The following RCOR1 variants were observed in gnomAD, a reference collection of about 807,000 sequenced individuals.
RCOR1 encodes REST corepressor.
RCOR1 carries 12 observed loss-of-function variants against 64.0 expected under a neutral mutation model. That is an observed-to-expected ratio of 0.19 (90% CI 0.12 to 0.30). RCOR1 has a LOEUF of 0.30. Among genes scored for constraint, RCOR1 ranks in the 10% least tolerant of loss-of-function variants. The probability of loss-of-function intolerance (pLI) is 1.00; values close to 1 mark genes in which losing one functional copy is unlikely to be tolerated. For missense variants in RCOR1, 502 were observed against 621.2 expected, an observed-to-expected ratio of 0.81 and a Z score of 2.04; for synonymous variants, 279 against 227.2, an observed-to-expected ratio of 1.23 and a Z score of -2.05.
chr14:102,622,740 C>G (rs762955242), intron 2 of RCOR1, among the ~76,000 whole-genome samples: 1 of 152,162 alleles, frequency 6.6e-6, no homozygotes, highest in Non-Finnish European at 1.5e-5. Flanking sequence ...CCCTCCATCC[C>G]TTTTGTGTTA....
At chr14:102,678,667 C>T (rs1452325360) in intron 2 of RCOR1, among the ~76,000 whole-genome samples, 2 of 152,126 alleles carry the variant, frequency 1.3e-5, no homozygotes, top group Non-Finnish European at 2.9e-5. Context: ...CTAGATCAGT[C>T]ATTTGGTAAA....
intron 3 of RCOR1, among the ~76,000 whole-genome samples, chr14:102,692,520 G>C (rs1418750520): frequency 6.6e-6 from 1 of 151,192 alleles, no homozygotes; most frequent in African/African-American, 2.4e-5. Context: ...CCACCATGTG[G>C]ACATAACCAC....
intron 3 of RCOR1, among the ~76,000 whole-genome samples, chr14:102,694,628 G>A (rs1005341660): frequency 4.6e-5 from 7 of 152,124 alleles, no homozygotes; most frequent in African/African-American, 1.4e-4. Context: ...TTGGAAGGAC[G>A]GATTGATGAA....
rs150749778 is a variant in RCOR1, at chr14:102,627,717, T to G, written c.361+34392T>G. On this transcript the variant is annotated intron_variant, in intron 2 of 11. Coordinates refer to ENST00000262241, the MANE Select transcript of RCOR1 (RefSeq NM_015156.4). ...ACAAACTTCTTTTGGTTATTCTGAT[T>G]CTGTATATTCTTTCTTTTCTCCTAT... Among the ~76,000 whole-genome samples, 12 of 151,954 alleles carry G rather than the reference T, an allele frequency of 7.9e-5. No homozygotes were observed. In the South Asian group the frequency reaches 2.5e-3, roughly 32 times the overall value.
At chr14:102,692,434 A>G in intron 3 of RCOR1, among the ~76,000 whole-genome samples, 1 of 123,024 alleles carries the variant, frequency 8.1e-6, no homozygotes, top group African/African-American at 3.4e-5. Context: ...AGTTCAGGAA[A>G]AAGTTAACAC....
chr14:102,707,530 C>G lies in RCOR1; in HGVS notation c.660+18C>G, dbSNP rs1277449230. On this transcript the variant is annotated intron_variant, in intron 5 of 11. Coordinates refer to ENST00000262241, the MANE Select transcript of RCOR1 (RefSeq NM_015156.4). ...AACAAATGGTAAGTAGATGAGACCA[C>G]TGAGTTCTATTTTTTTTCTCCTATC... 6.4e-7 allele frequency: 1 copy of G among 1,573,182 alleles called. No individual in the cohort carries two copies. Among genetic ancestry groups the G allele is most frequent in the South Asian group, 1.2e-5 (1 of 84,646 alleles).
intron 2 of RCOR1, among the ~76,000 whole-genome samples, chr14:102,652,447 C>T (rs1028494701): frequency 6.6e-6 from 1 of 152,148 alleles, no homozygotes; most frequent in Non-Finnish European, 1.5e-5. Flanking sequence ...AGTCTTCTGG[C>T]AGTGTTCCTT....
chr14:102,671,822 T>A (rs1367173103), intron 2 of RCOR1, among the ~76,000 whole-genome samples: 1 of 152,254 alleles, frequency 6.6e-6, no homozygotes, highest in Non-Finnish European at 1.5e-5. Flanking sequence ...GAAGAAATGC[T>A]GTACCTGTTA....
At chr14:102,627,212 C>G (rs1453307400) in intron 2 of RCOR1, among the ~76,000 whole-genome samples, 3 of 152,186 alleles carry the variant, frequency 2.0e-5, no homozygotes, top group Non-Finnish European at 4.4e-5. Flanking sequence ...CTAGCTAAGG[C>G]CAAACCCTGT....
intron 2 of RCOR1, among the ~76,000 whole-genome samples, chr14:102,661,798 C>T (rs1023056777): frequency 2.6e-5 from 4 of 152,126 alleles, no homozygotes; most frequent in Non-Finnish European, 4.4e-5. Context: ...GCTCTGTTGC[C>T]CAGGCTCTAT....
intron 2 of RCOR1, among the ~76,000 whole-genome samples, chr14:102,629,292 C>T (rs1193586052): frequency 6.6e-6 from 1 of 152,100 alleles, no homozygotes; most frequent in African/African-American, 2.4e-5. Context: ...ACTTCCTGTT[C>T]CCCTTCCTTG....
intron 4 of RCOR1, among the ~76,000 whole-genome samples, chr14:102,704,908 T>G (rs1895819679): frequency 6.6e-6 from 1 of 152,124 alleles, no homozygotes; most frequent in Admixed American, 6.5e-5. Flanking sequence ...GAAGATTTGT[T>G]GAGCCCAGGA....
At chr14:102,685,224 T>C (rs1200965102) in intron 3 of RCOR1, among the ~76,000 whole-genome samples, 2 of 152,170 alleles carry the variant, frequency 1.3e-5, no homozygotes, top group Non-Finnish European at 2.9e-5. Flanking sequence ...TATATAATTG[T>C]TTTCCACAAA....
chr14:102,638,103 T>C (rs1417208248), intron 2 of RCOR1, among the ~76,000 whole-genome samples: 1 of 152,204 alleles, frequency 6.6e-6, no homozygotes, highest in African/African-American at 2.4e-5. Context: ...TTCAAGCTAA[T>C]GTGACAAATT....
chr14:102,652,862 G>A (rs945456022), intron 2 of RCOR1, among the ~76,000 whole-genome samples: 5 of 152,080 alleles, frequency 3.3e-5, no homozygotes, highest in African/African-American at 1.2e-4. Flanking sequence ...GGGGAGTGTG[G>A]ATAAAAAACT....
At chr14:102,644,291 C>T (rs1046518560) in intron 2 of RCOR1, among the ~76,000 whole-genome samples, 5 of 152,234 alleles carry the variant, frequency 3.3e-5, no homozygotes, top group African/African-American at 1.2e-4. Flanking sequence ...ATGACCCAGC[C>T]TCGGAAGTCA....
chr14:102,606,707 C>CTGCA (rs1893515768), intron 2 of RCOR1, among the ~76,000 whole-genome samples: 1 of 150,144 alleles, frequency 6.7e-6, no homozygotes, highest in South Asian at 2.1e-4. Context: ...ACATGGCCCA[C>CTGCA]TGCATGCAGC....
In RCOR1 at chr14:102,685,943, C is replaced by T. The variant is rs573895663; in HGVS notation, c.445+3965C>T. 1.1e-4 allele frequency among the ~76,000 whole-genome samples: 16 copies of T among 151,836 alleles called. 1 individual carries two copies. The South Asian group carries it at 2.7e-3, about 26-fold the overall frequency. On this transcript the variant is annotated intron_variant, in intron 3 of 11. Transcript: ENST00000262241. ...CCTCTATTAAAAAAAAACGGGGAGG[C>T]GGGGGCTAGAAGAGAATAATTTTGA...
At chr14:102,627,672 C>A (rs570043097) in intron 2 of RCOR1, among the ~76,000 whole-genome samples, 43 of 147,770 alleles carry the variant, frequency 2.9e-4, no homozygotes, top group African/African-American at 5.9e-4. Flanking sequence ...AAAAAAAAAA[C>A]ACACACACAC....
Sources: allele counts gnomAD v4.1 joint callset (sites outside exome capture counted in the v4.1 genomes callset), GRCh38; gene constraint gnomAD v4.1.1; transcripts MANE v1.5; gene names NCBI Gene and HGNC (gene_info 2026-07-23, HGNC 2026-07-21).